The following DPP10 variants were observed in gnomAD, a reference collection of about 807,000 sequenced individuals.
DPP10 encodes the protein dipeptidyl peptidase like 10.
DPP10 carries 33 observed loss-of-function variants against 120.9 expected under a neutral mutation model. That is an observed-to-expected ratio of 0.27 (90% CI 0.21 to 0.37). The LOEUF is 0.37. DPP10 is among the 10% of genes least tolerant of loss of function. The pLI, the probability that DPP10 is intolerant of heterozygous loss-of-function variation, is 1.00. For missense variants in DPP10, 816 were observed against 942.8 expected (o/e 0.87, Z 1.76); for synonymous variants, 337 against 326.1 (o/e 1.03, Z -0.36).
chr2:115,505,991 T>TG (rs1223910426), intron 4 of DPP10, among the ~76,000 whole-genome samples: 6 of 124,430 alleles, frequency 4.8e-5, no homozygotes, highest in African/African-American at 1.6e-4. Context: ...AAATTATTAA[T>TG]ACAAATAAAA....
intron 1 of DPP10, among the ~76,000 whole-genome samples, chr2:114,513,521 C>CAAAAAAAA (rs10712243): frequency 2.1e-4 from 16 of 74,956 alleles, no homozygotes; most frequent in East Asian, 4.0e-4. Context: ...AACTCTACCT[C>CAAAAAAAA]AAAAAAAAAA....
intron 16 of DPP10, 81 bp from the exon 17 acceptor site, chr2:115,782,270 GA>G (rs36082071): frequency 0.36 from 452,503 of 1,271,594 alleles, 82,896 homozygotes; most frequent in South Asian, 0.46. Flanking sequence ...CATTTGGGGG[GA>G]AAAAACTATT....
chr2:114,499,641 G>C (rs1030748858), intron 1 of DPP10, among the ~76,000 whole-genome samples: 3 of 152,084 alleles, frequency 2.0e-5, no homozygotes, highest in Admixed American at 2.0e-4. Flanking sequence ...AAGATGATAG[G>C]ACCCACAATT....
chr2:115,019,003 G>A (rs1053567518), intron 1 of DPP10, among the ~76,000 whole-genome samples: 1 of 151,722 alleles, frequency 6.6e-6, no homozygotes, highest in African/African-American at 2.4e-5. Context: ...GCAGGACCCA[G>A]TCACCATCAC....
chr2:115,796,798 A>G (rs1229950042), intron 19 of DPP10, among the ~76,000 whole-genome samples: 1 of 152,120 alleles, frequency 6.6e-6, no homozygotes, highest in African/African-American at 2.4e-5. Flanking sequence ...CCTTATAGAA[A>G]TCATCCAAGG....
chr2:114,894,122 G>A (rs185416274), intron 1 of DPP10, among the ~76,000 whole-genome samples: 121 of 152,282 alleles, frequency 7.9e-4, no homozygotes, highest in African/African-American at 2.8e-3. Context: ...TGGTATTTAT[G>A]TAATGAGTGC....
intron 1 of DPP10, among the ~76,000 whole-genome samples, chr2:114,532,296 T>TATATACACACAC (rs1342125338): frequency 4.0e-5 from 3 of 74,756 alleles, no homozygotes; most frequent in Admixed American, 1.3e-4. Flanking sequence ...TATATATATA[T>TATATACACACAC]ACACACACAC....
chr2:115,608,950 G>A (rs1435056970), intron 5 of DPP10, among the ~76,000 whole-genome samples: 1 of 151,698 alleles, frequency 6.6e-6, no homozygotes, highest in East Asian at 1.9e-4. Flanking sequence ...ACAAATAAAA[G>A]ATCAATTCAT....
At chr2:115,733,368 G>A (rs1459999495) in intron 8 of DPP10, among the ~76,000 whole-genome samples, 1 of 152,138 alleles carries the variant, frequency 6.6e-6, no homozygotes, top group African/African-American at 2.4e-5. Flanking sequence ...AGGAAGGCAG[G>A]GTTATCAGTA....
chr2:115,825,633 C>G (rs1688233430), intron 21 of DPP10, among the ~76,000 whole-genome samples: 1 of 152,140 alleles, frequency 6.6e-6, no homozygotes, highest in Admixed American at 6.6e-5. Flanking sequence ...TTCTGAAAGT[C>G]TTTACCTCAA....
chr2:115,456,948 C>A (rs1039668441), intron 3 of DPP10, among the ~76,000 whole-genome samples: 3 of 140,938 alleles, frequency 2.1e-5, no homozygotes, highest in African/African-American at 5.0e-5. Flanking sequence ...TGCACACGTA[C>A]CCCAGAACTT....
At chr2:115,031,692 A>G (rs1703852377) in intron 1 of DPP10, among the ~76,000 whole-genome samples, 2 of 152,236 alleles carry the variant, frequency 1.3e-5, no homozygotes, top group South Asian at 2.1e-4. Flanking sequence ...CCTCTCAAAA[A>G]CACCTTAATT....
At chr2:115,703,126 A>G (rs1358347123) in intron 7 of DPP10, among the ~76,000 whole-genome samples, 3 of 151,998 alleles carry the variant, frequency 2.0e-5, no homozygotes, top group Non-Finnish European at 4.4e-5. Context: ...GGAAAAACAT[A>G]GTACTAATTA....
intron 1 of DPP10, among the ~76,000 whole-genome samples, chr2:115,191,646 G>T (rs1325403200): frequency 6.6e-6 from 1 of 152,188 alleles, no homozygotes; most frequent in African/African-American, 2.4e-5. Flanking sequence ...TTGGGAGGGG[G>T]CGGCGCTTTC....
intron 5 of DPP10, among the ~76,000 whole-genome samples, chr2:115,563,604 ATCTC>A (rs1245641304): frequency 6.6e-6 from 1 of 152,102 alleles, no homozygotes; most frequent in African/African-American, 2.4e-5. Context: ...ACAACACTAA[ATCTC>A]TCTCAGATAA....
At chr2:115,199,948 C>T (rs2055574812) in intron 1 of DPP10, among the ~76,000 whole-genome samples, 1 of 152,126 alleles carries the variant, frequency 6.6e-6, no homozygotes, top group Non-Finnish European at 1.5e-5. Context: ...GGACAGCCTC[C>T]TGGATAGCTG....
At chr2:115,794,528 G>A (rs7608838) in intron 19 of DPP10, among the ~76,000 whole-genome samples, 40,546 of 152,000 alleles carry the variant, frequency 0.27, 5,754 homozygotes, top group Middle Eastern at 0.44. Flanking sequence ...AAAAGAGTAT[G>A]CGGGATGGAG....
chr2:114,685,322 T>TC (rs760778672), intron 1 of DPP10, among the ~76,000 whole-genome samples: 1,740 of 152,134 alleles, frequency 0.011, 11 homozygotes, highest in Middle Eastern at 0.027. Flanking sequence ...CATGCTGGGA[T>TC]AGTTATTTTG....
intron 19 of DPP10, among the ~76,000 whole-genome samples, chr2:115,805,449 G>C (rs1009510115): frequency 1.3e-5 from 2 of 151,990 alleles, no homozygotes; most frequent in Non-Finnish European, 1.5e-5. Context: ...TGCACCCACT[G>C]TCTGGCACTC....
Sources: gnomAD v4.1 joint callset for allele counts (sites outside exome capture counted in the v4.1 genomes callset) on GRCh38, gnomAD v4.1.1 for gene constraint, MANE v1.5 for transcripts, NCBI Gene and HGNC (gene_info 2026-07-23, HGNC 2026-07-21) for gene names.